Variants in PABPC4L observed in about 807,000 individuals in gnomAD.
The protein encoded by PABPC4L is poly(A) binding protein cytoplasmic 4 like.
For missense variants in PABPC4L, 452 were observed against 451.4 expected (o/e 1.00, Z -0.01); for synonymous variants, 169 against 164.1 (o/e 1.03, Z -0.23).
At chr4:134,153,290 AGT>A in the PABPC4L span, among the ~76,000 whole-genome samples, 1 of 151,950 alleles carries the variant, frequency 6.6e-6, no homozygotes. Context: ...ATAGTGTTTT[AGT>A]TTGCCGAGTC....
the PABPC4L span, among the ~76,000 whole-genome samples, chr4:134,172,107 A>G: frequency 1.8e-4 from 27 of 152,284 alleles, 1 homozygote; most frequent in Admixed American, 1.7e-3. Flanking sequence ...AGTAATTTAC[A>G]TATCAGTGCT....
the PABPC4L span, among the ~76,000 whole-genome samples, chr4:134,100,139 T>C: frequency 6.6e-6 from 1 of 151,576 alleles, no homozygotes; most frequent in African/African-American, 2.4e-5. Flanking sequence ...CTTTGGAAAA[T>C]TCAAGAGTCA....
chr4:134,064,451 C>T, the PABPC4L span, among the ~76,000 whole-genome samples: 7 of 151,946 alleles, frequency 4.6e-5, no homozygotes, highest in South Asian at 2.1e-4. Flanking sequence ...AAATAGTAAC[C>T]GGTGTAATGG....
At chr4:133,958,782 A>G in the PABPC4L span, among the ~76,000 whole-genome samples, 1 of 152,194 alleles carries the variant, frequency 6.6e-6, no homozygotes, top group African/African-American at 2.4e-5. Context: ...TCACAAGAAC[A>G]ACATGGGAGT....
the PABPC4L span, among the ~76,000 whole-genome samples, chr4:134,133,155 T>C: frequency 1.7e-5 from 1 of 58,692 alleles, no homozygotes; most frequent in Non-Finnish European, 2.7e-5. Context: ...TATTATATAA[T>C]ATATCATATT....
chr4:134,016,212 A>G, the PABPC4L span, among the ~76,000 whole-genome samples: 1 of 151,900 alleles, frequency 6.6e-6, no homozygotes, highest in African/African-American at 2.4e-5. Context: ...CCCCTCCACT[A>G]CCTCTCAGCA....
At chr4:134,201,441 G>A (rs1447749718) in intron 1 of PABPC4L, among the ~76,000 whole-genome samples, 196 bp from the exon 2 acceptor site, 1 of 152,148 alleles carries the variant, frequency 6.6e-6, no homozygotes, top group East Asian at 1.9e-4. Flanking sequence ...TCCACAAGCG[G>A]AGGCGTCAGA....
chr4:134,003,364 C>T, the PABPC4L span, among the ~76,000 whole-genome samples: 1 of 151,976 alleles, frequency 6.6e-6, no homozygotes, highest in Non-Finnish European at 1.5e-5. Flanking sequence ...AACTTATCAT[C>T]ATCTTTGAAC....
chr4:134,020,398 C>A, the PABPC4L span, among the ~76,000 whole-genome samples: 1 of 152,060 alleles, frequency 6.6e-6, no homozygotes, highest in South Asian at 2.1e-4. Flanking sequence ...ATGTTATTAT[C>A]TTTAAAGCAA....
At chr4:133,950,862 A>G in the PABPC4L span, among the ~76,000 whole-genome samples, 1 of 152,086 alleles carries the variant, frequency 6.6e-6, no homozygotes, top group Non-Finnish European at 1.5e-5. Flanking sequence ...AACTTGTGTG[A>G]CCCATTCCCC....
chr4:134,181,771 A>G, the PABPC4L span, among the ~76,000 whole-genome samples: 510 of 152,072 alleles, frequency 3.4e-3, 5 homozygotes, highest in African/African-American at 0.012. Flanking sequence ...TCCATTCACA[A>G]TTGCCACAAA....
the PABPC4L span, among the ~76,000 whole-genome samples, chr4:134,094,357 A>C: frequency 1.3e-5 from 2 of 151,982 alleles, no homozygotes; most frequent in African/African-American, 4.8e-5. Flanking sequence ...CCTAAAGTAT[A>C]AAACAAGTTA....
the PABPC4L span, among the ~76,000 whole-genome samples, chr4:134,020,380 A>G: frequency 9.9e-5 from 15 of 152,228 alleles, no homozygotes; most frequent in African/African-American, 3.6e-4. Flanking sequence ...TGTATTTTGA[A>G]ACAATCAATG....
the PABPC4L span, among the ~76,000 whole-genome samples, chr4:134,031,169 C>A: frequency 2.0e-5 from 3 of 152,042 alleles, no homozygotes; most frequent in African/African-American, 7.2e-5. Flanking sequence ...GTGCTTATAT[C>A]TTAAATCCCT....
At chr4:134,009,662 A>C in the PABPC4L span, among the ~76,000 whole-genome samples, 2 of 151,964 alleles carry the variant, frequency 1.3e-5, no homozygotes, top group African/African-American at 4.8e-5. Flanking sequence ...TATCAACCAC[A>C]AAAAACTTAC....
chr4:134,114,951 T>C, the PABPC4L span, among the ~76,000 whole-genome samples: 1 of 151,882 alleles, frequency 6.6e-6, no homozygotes, highest in African/African-American at 2.4e-5. Flanking sequence ...AGTTGCCTTA[T>C]ACCAGAAATT....
the PABPC4L span, among the ~76,000 whole-genome samples, chr4:134,110,559 TTGTGTGTGTGTGTGTG>T: frequency 0.18 from 26,050 of 144,658 alleles, 2,794 homozygotes; most frequent in Admixed American, 0.23. Flanking sequence ...TCTCTCTGTC[TTGTGTGTGTGTGTGTG>T]TGTGTGTGTG....
the PABPC4L span, among the ~76,000 whole-genome samples, chr4:134,157,441 T>G: frequency 6.6e-6 from 1 of 151,926 alleles, no homozygotes. Flanking sequence ...TTTATGAAAC[T>G]TTTGTCCACT....
the PABPC4L span, among the ~76,000 whole-genome samples, chr4:134,054,708 T>G: frequency 3.9e-5 from 6 of 152,084 alleles, no homozygotes; most frequent in African/African-American, 1.4e-4. Context: ...TTGAGCTGTT[T>G]ATGCATTGGT....
Sources: allele counts gnomAD v4.1 joint callset (sites outside exome capture counted in the v4.1 genomes callset), GRCh38; gene constraint gnomAD v4.1.1; transcripts MANE v1.5; gene names NCBI Gene and HGNC (gene_info 2026-07-23, HGNC 2026-07-21).